The following TAFA5 variants were observed in gnomAD, a reference collection of about 807,000 sequenced individuals.
TAFA5 encodes the protein TAFA chemokine like family member 5.
TAFA5 carries 6 observed loss-of-function variants against 15.3 expected under a neutral mutation model. That is an observed-to-expected ratio of 0.39 (90% CI 0.21 to 0.77). TAFA5 has a LOEUF of 0.77. Ranked by LOEUF, TAFA5 falls within the 30% of genes least tolerant of loss-of-function variation. The probability of loss-of-function intolerance (pLI) is 0.41; values close to 1 mark genes in which losing one functional copy is unlikely to be tolerated. For missense variants in TAFA5, 161 were observed against 193.1 expected (o/e 0.83, Z 0.98); for synonymous variants, 103 against 80.7 (o/e 1.28, Z -1.48).
At chr22:48,626,539 C>T (rs1159415564) in intron 1 of TAFA5, among the ~76,000 whole-genome samples, 1 of 152,136 alleles carries the variant, frequency 6.6e-6, no homozygotes, top group Non-Finnish European at 1.5e-5. Context: ...GTCGTCTGTG[C>T]TCGTATTGTT....
intron 1 of TAFA5, among the ~76,000 whole-genome samples, chr22:48,542,572 T>TGCG (rs1922475700): frequency 8.6e-6 from 1 of 116,658 alleles, no homozygotes; most frequent in African/African-American, 3.4e-5. Context: ...GTGGTGTGTG[T>TGCG]GGTGTGTGTG....
chr22:48,739,686 A>G (rs766817319), intron 3 of TAFA5, among the ~76,000 whole-genome samples: 3 of 152,150 alleles, frequency 2.0e-5, no homozygotes, highest in Non-Finnish European at 4.4e-5. Context: ...ACAATGACCA[A>G]TAAAGGATGA....
rs1923424933 is a variant in TAFA5, at chr22:48,566,864, T to C, written c.112+77160T>C. Among the ~76,000 whole-genome samples the C allele has an allele frequency of 6.6e-6, 1 of 152,190 alleles. No individual in the cohort carries two copies. ...TTGTGGTTCTGCAGCTTTTTTGCCG[T>C]AGTTTGCTCACCACTGTGGTTTCAT... On this transcript the variant is annotated intron_variant, in intron 1 of 3. Transcript: ENST00000402357. The surrounding 1 kb of genome is among the most constrained non-coding windows in gnomAD (Gnocchi z 4.5).
At chr22:48,666,512 C>T (rs199505941) in intron 2 of TAFA5, among the ~76,000 whole-genome samples, 1 of 54,358 alleles carries the variant, frequency 1.8e-5, no homozygotes, top group Non-Finnish European at 3.8e-5. Context: ...CATGACCAGG[C>T]GTTACTGAGG....
rs570407619 is a variant in TAFA5, at chr22:48,634,107, C to T, written c.113-12490C>T. The stretch of plus-strand genomic sequence containing the variant: ...GGAGAGTCTCTGTCCCTTTCCTTGA[C>T]GTTCACTCACTCGCTCACTCACTCA... On this transcript the variant is annotated intron_variant, in intron 1 of 3. Coordinates refer to ENST00000402357, the MANE Select transcript of TAFA5 (RefSeq NM_001082967.3). Among the ~76,000 whole-genome samples the T allele has an allele frequency of 7.6e-5, 9 of 119,042 alleles. No individual in the cohort carries two copies. In the South Asian group the frequency reaches 2.0e-3, roughly 27 times the overall value. 78.1% of individuals were successfully genotyped at this position (119,042 alleles called of 152,430 possible).
At chr22:48,581,588 G>A (rs1924044400) in intron 1 of TAFA5, among the ~76,000 whole-genome samples, 2 of 152,212 alleles carry the variant, frequency 1.3e-5, no homozygotes, top group Non-Finnish European at 1.5e-5. Flanking sequence ...GTAGAGTGCT[G>A]GCTGCAGACA....
chr22:48,703,994 A>C (rs1928998611), intron 2 of TAFA5, among the ~76,000 whole-genome samples: 1 of 152,212 alleles, frequency 6.6e-6, no homozygotes, highest in Non-Finnish European at 1.5e-5. Context: ...AGAACAGGAC[A>C]GGCACTGGGG....
At chr22:48,644,321 C>G (rs762849727) in intron 1 of TAFA5, among the ~76,000 whole-genome samples, 18 of 152,174 alleles carry the variant, frequency 1.2e-4, no homozygotes, top group Non-Finnish European at 2.2e-4. Flanking sequence ...GCCCCAGCAT[C>G]CTTCCTGTGA....
At chr22:48,497,278 G>C (rs9615336) in intron 1 of TAFA5, among the ~76,000 whole-genome samples, 61,415 of 152,174 alleles carry the variant, frequency 0.4, 13,665 homozygotes, top group African/African-American at 0.58. Flanking sequence ...GAGAAGCCGG[G>C]GCCTGCGGTC....
chr22:48,607,540 T>C (rs113365796), intron 1 of TAFA5, among the ~76,000 whole-genome samples: 3,119 of 114,290 alleles, frequency 0.027, 269 homozygotes, highest in African/African-American at 0.11. Context: ...AGGTCTGTCC[T>C]GGGTTCTGAT....
rs1005800505 is a variant in TAFA5 at position 48,609,802 on chromosome 22, C to T, written c.113-36795C>T. 4.6e-5 allele frequency among the ~76,000 whole-genome samples: 7 copies of T among 152,196 alleles called. 1 individual carries two copies. The highest frequency in any genetic ancestry group is 3.9e-4 in the Admixed American group (6 of 15,276). ...TCTGAGGGTCTTGGGGGAGAAGCTG[C>T]TCCCGGCTGCTCTCTGGCTGCCCGT... On this transcript the variant is annotated intron_variant, in intron 1 of 3. Transcript: ENST00000402357.
chr22:48,564,794 A>G (rs755881983), intron 1 of TAFA5, among the ~76,000 whole-genome samples: 3 of 152,204 alleles, frequency 2.0e-5, no homozygotes, highest in African/African-American at 7.2e-5. Flanking sequence ...GGTTCCATCA[A>G]CTTTTGCAGC....
At chr22:48,690,771 C>T (rs573999145) in intron 2 of TAFA5, among the ~76,000 whole-genome samples, 1 of 152,320 alleles carries the variant, frequency 6.6e-6, no homozygotes, top group South Asian at 2.1e-4. Context: ...AAAGTACAGC[C>T]CCAATGAGTG....
chr22:48,623,091 G>A, intron 1 of TAFA5, among the ~76,000 whole-genome samples: 1 of 152,226 alleles, frequency 6.6e-6, no homozygotes, highest in East Asian at 1.9e-4. Flanking sequence ...GTGTTCTGTG[G>A]GCTGCAGGGG....
intron 1 of TAFA5, among the ~76,000 whole-genome samples, chr22:48,502,518 GA>G (rs1314882599): frequency 2.2e-5 from 3 of 139,070 alleles, no homozygotes; most frequent in Non-Finnish European, 3.0e-5. Context: ...CCTCTCTTTG[GA>G]ATTTTTTTTT....
chr22:48,686,684 T>G (rs1569078851), intron 2 of TAFA5, among the ~76,000 whole-genome samples: 1 of 149,864 alleles, frequency 6.7e-6, no homozygotes, highest in Non-Finnish European at 1.5e-5. Context: ...AATGGATAGA[T>G]TGATAGAAAG....
intron 1 of TAFA5, among the ~76,000 whole-genome samples, chr22:48,633,421 GGCT>G (rs1926303741): frequency 6.6e-6 from 1 of 152,040 alleles, no homozygotes. Flanking sequence ...TCTTCAGCGG[GGCT>G]CACCACCCAC....
intron 1 of TAFA5, among the ~76,000 whole-genome samples, chr22:48,580,862 C>T (rs1924011772): frequency 6.6e-6 from 1 of 152,150 alleles, no homozygotes; most frequent in Non-Finnish European, 1.5e-5. Flanking sequence ...CCAGGGGCTT[C>T]CCTAGCCCAC....
intron 1 of TAFA5, among the ~76,000 whole-genome samples, chr22:48,607,936 C>T (rs988174368): frequency 6.6e-6 from 1 of 152,086 alleles, no homozygotes; most frequent in Non-Finnish European, 1.5e-5. Context: ...GGGTCGTTTC[C>T]CTTTGGAGAA....
Sources: allele counts gnomAD v4.1 joint callset (sites outside exome capture counted in the v4.1 genomes callset), GRCh38; gene constraint gnomAD v4.1.1; non-coding constraint Gnocchi (gnomAD v3.1); transcripts MANE v1.5; gene names NCBI Gene and HGNC (gene_info 2026-07-23, HGNC 2026-07-21).